PAK3: variants seen among roughly 807,000 people sequenced by gnomAD.
The protein encoded by PAK3 is serine/threonine-protein kinase PAK 3.
In PAK3, 4 loss-of-function variants were observed where a neutral mutation model predicts 41.0. The ratio of observed to expected loss-of-function variants is 0.10; its 90% CI spans 0.05 to 0.22. The LOEUF is 0.22. PAK3 is among the 10% of genes least tolerant of loss of function. The pLI, the probability that PAK3 is intolerant of heterozygous loss-of-function variation, is 1.00. For synonymous variants in PAK3, 146 were observed against 139.6 expected, an observed-to-expected ratio of 1.05 and a Z score of -0.32; for missense variants, 205 against 409.9, an observed-to-expected ratio of 0.50 and a Z score of 4.32.
intron 11 of PAK3, among the ~76,000 whole-genome samples, chrX:111,185,635 A>AC (rs1471167895): frequency 4.6e-4 from 51 of 111,202 alleles, no homozygotes; most frequent in African/African-American, 1.6e-3. Context: ...TTTTCCCAAC[A>AC]CCATTTATTA....
intron 1 of PAK3, among the ~76,000 whole-genome samples, chrX:110,969,959 G>A (rs2091171351): frequency 9.0e-6 from 1 of 111,604 alleles, no homozygotes; most frequent in Admixed American, 9.5e-5. Context: ...CTAATCCATG[G>A]GATCTATCCA....
chrX:111,063,068 T>G (rs1458666688), intron 1 of PAK3, among the ~76,000 whole-genome samples: 1 of 112,156 alleles, frequency 8.9e-6, no homozygotes, highest in Non-Finnish European at 1.9e-5. Context: ...AAGAGGTGCT[T>G]TCCTCAAAAG....
At chrX:111,012,676 A>C (rs1391874725) in intron 1 of PAK3, among the ~76,000 whole-genome samples, 1 of 112,674 alleles carries the variant, frequency 8.9e-6, no homozygotes, top group Non-Finnish European at 1.9e-5. Context: ...CTTTTGCAAA[A>C]GTATTGCTGA....
intron 5 of PAK3, among the ~76,000 whole-genome samples, chrX:111,141,741 G>C (rs914724496): frequency 2.7e-5 from 3 of 111,952 alleles, no homozygotes; most frequent in Non-Finnish European, 1.9e-5. Flanking sequence ...GCCTTAGCTT[G>C]ACTTGTATAT....
At chrX:111,159,404 G>A (rs936856890) in intron 8 of PAK3, among the ~76,000 whole-genome samples, 7 of 110,527 alleles carry the variant, frequency 6.3e-5, no homozygotes, top group African/African-American at 9.9e-5. Context: ...ACACTTTCAC[G>A]GGCCCATGTA....
chrX:111,002,918 C>T (rs2091870703), intron 1 of PAK3, among the ~76,000 whole-genome samples: 1 of 111,764 alleles, frequency 8.9e-6, no homozygotes, highest in South Asian at 3.8e-4. Context: ...GCCCAGGGAC[C>T]TGCAACATCA....
intron 1 of PAK3, among the ~76,000 whole-genome samples, chrX:111,029,648 G>A (rs2092318085): frequency 9.0e-6 from 1 of 111,490 alleles, no homozygotes. Context: ...TGAAATAGTG[G>A]GCCACTGCAG....
chrX:111,056,748 T>C lies in PAK3; in HGVS notation c.-27-66329T>C, dbSNP rs2092608173. ...ATATGTAATCACTCTATGTAATTAT[T>C]CCTTTCTTAATGGACATTTAAGTTG... is the stretch of plus-strand genomic sequence containing the variant. On this transcript the variant is annotated intron_variant, in intron 1 of 14. Transcript: ENST00000425146. 3.6e-5 allele frequency among the ~76,000 whole-genome samples: 4 copies of C among 112,226 alleles called. No individual in the cohort carries two copies. The Admixed American group carries it at 3.8e-4, about 11-fold the overall frequency.
At chrX:111,000,948 G>A (rs1486930686) in intron 1 of PAK3, among the ~76,000 whole-genome samples, 1 of 110,884 alleles carries the variant, frequency 9.0e-6, no homozygotes, top group Non-Finnish European at 1.9e-5. Context: ...AGGAGTAGAG[G>A]GGCTGTATTC....
rs1347972574 is a variant in PAK3, at chrX:110,945,546, T to C, written c.-28+918T>C. On this transcript the variant is annotated intron_variant, in intron 1 of 14. Coordinates refer to the PAK3 transcript ENST00000425146. The stretch of plus-strand genomic sequence containing the variant: ...GGTTTCCTCTCTCAGCCAATGAGGA[T>C]CCAAAGCTCTTACAGTGATCCCTGC... Among the ~76,000 whole-genome samples the C allele has an allele frequency of 1.5e-4, 17 of 111,810 alleles. No homozygotes were observed. The Admixed American group carries it at 1.6e-3, about 11-fold the overall frequency.
chrX:110,961,954 C>T (rs1196104628), intron 1 of PAK3, among the ~76,000 whole-genome samples: 2 of 112,165 alleles, frequency 1.8e-5, no homozygotes, highest in African/African-American at 6.5e-5. Context: ...TCTTGATTTA[C>T]CTCCTACTTC....
intron 1 of PAK3, among the ~76,000 whole-genome samples, chrX:111,045,671 C>A (rs2148779244): frequency 8.9e-6 from 1 of 111,859 alleles, no homozygotes; most frequent in East Asian, 2.8e-4. Context: ...AACAGTCATG[C>A]CTAGTCATAT....
intron 1 of PAK3, among the ~76,000 whole-genome samples, chrX:111,013,372 T>C (rs1212661613): frequency 9.0e-6 from 1 of 111,511 alleles, no homozygotes; most frequent in East Asian, 2.8e-4. Flanking sequence ...TTTGTCTCAC[T>C]TGGGGAAGAT....
At chrX:110,966,025 T>C (rs1051629607) in intron 1 of PAK3, among the ~76,000 whole-genome samples, 1 of 112,249 alleles carries the variant, frequency 8.9e-6, no homozygotes, top group Non-Finnish European at 1.9e-5. Context: ...GCACAGTGCC[T>C]GGCACACATA....
chrX:111,021,007 G>T (rs773552102), intron 1 of PAK3, among the ~76,000 whole-genome samples: 121 of 111,555 alleles, frequency 1.1e-3, no homozygotes, highest in Non-Finnish European at 1.7e-3. Context: ...AGCAAACACT[G>T]CATAAGGAGA....
chrX:111,131,005 A>C (rs1359825605), intron 5 of PAK3, among the ~76,000 whole-genome samples: 2 of 111,862 alleles, frequency 1.8e-5, no homozygotes, highest in Non-Finnish European at 3.8e-5. Context: ...CCCAACTCCT[A>C]GTCCAGTGGT....
rs763340319 is a variant in PAK3 at position 111,077,647 on chromosome X, C to T, written c.-27-45430C>T. Among the ~76,000 whole-genome samples the T allele has an allele frequency of 7.2e-5, 8 of 111,856 alleles. No individual in the cohort carries two copies. In the East Asian group the frequency reaches 2.0e-3, roughly 27 times the overall value. On this transcript the variant is annotated intron_variant, in intron 1 of 14. Transcript: ENST00000425146. ...TTAGAAGCTTCACTCATAATATACACAAAGACTAAGTCAAAATGGGTTGAA... is the reference window on the plus strand; with the variant it reads ...TTAGAAGCTTCACTCATAATATACATAAAGACTAAGTCAAAATGGGTTGAA...
At chrX:111,134,928 A>T (rs763799428) in intron 5 of PAK3, among the ~76,000 whole-genome samples, 2 of 111,628 alleles carry the variant, frequency 1.8e-5, no homozygotes, top group Non-Finnish European at 3.8e-5. Context: ...GAAGCTGTGG[A>T]TGTAAGTGGG....
intron 1 of PAK3, among the ~76,000 whole-genome samples, chrX:111,014,864 CAA>C (rs1171620237): frequency 9.0e-6 from 1 of 111,380 alleles, no homozygotes; most frequent in Non-Finnish European, 1.9e-5. Context: ...TCCAAAAGAA[CAA>C]AAGAGAAGCA....
Sources: gnomAD v4.1 joint callset for allele counts (sites outside exome capture counted in the v4.1 genomes callset) on GRCh38, gnomAD v4.1.1 for gene constraint, MANE v1.5 for transcripts, NCBI Gene and HGNC (gene_info 2026-07-23, HGNC 2026-07-21) for gene names.